Variants in CCDC85C observed in about 807,000 individuals in gnomAD.
CCDC85C encodes coiled-coil domain containing 85C.
CCDC85C carries 18 observed loss-of-function variants against 38.3 expected under a neutral mutation model. The observed-to-expected ratio is 0.47, with a 90% CI of 0.33 to 0.70. CCDC85C has a LOEUF of 0.70. Among genes scored for constraint, CCDC85C ranks in the 30% least tolerant of loss-of-function variants. The probability of loss-of-function intolerance (pLI) is 0.03; values close to 1 mark genes in which losing one functional copy is unlikely to be tolerated. For missense variants in CCDC85C, 566 were observed against 621.2 expected (o/e 0.91, Z 0.94); for synonymous variants, 264 against 293.8 (o/e 0.90, Z 1.04).
rs1470536564 is a variant in CCDC85C, at chr14:99,545,099, G to A, written c.794-9011C>T. On this transcript the variant is annotated intron_variant, in intron 1 of 5. Coordinates refer to ENST00000380243, the MANE Select transcript of CCDC85C (RefSeq NM_001144995.2). This position sits in a 1 kb window ranked among gnomAD's most constrained non-coding sequence, Gnocchi z 4.7. ...CCTAATGAGAATGAAATCTCCTGGT[G>A]CTGGCCGGTCAGCCTTCCCCAGTGA... Among the ~76,000 whole-genome samples the A allele has an allele frequency of 6.6e-6, 1 of 152,198 alleles. No homozygotes were observed. Among genetic ancestry groups the A allele is most frequent in the East Asian group, 1.9e-4 (1 of 5,198 alleles).
Position 99,516,259 on chromosome 14 carries a change from G to C in CCDC85C, c.1099C>G (p.Arg367Gly). Residue 367 changes from arginine (R) to glycine (G), a missense_variant, in exon 5 of 6, where the codon CGG (arginine) becomes GGG (glycine). By Grantham distance (125) the Arg-to-Gly change is moderately radical (BLOSUM62 -2). This residue lies in a region of CCDC85C where 286 missense variants were observed against 276.4 expected (regional missense o/e 1.03). Transcript: ENST00000380243. This position sits in a 1 kb window ranked among gnomAD's most constrained non-coding sequence, Gnocchi z 5.5. ...KVLEVHENLD[R>G]QLQDSCEEDL... ...TCCTCACAGCTGTCCTGGAGCTGCCGGTCCAGATTCTCGTGTACCTCCAGG... is the reference window on the plus strand; with the variant it reads ...TCCTCACAGCTGTCCTGGAGCTGCCCGTCCAGATTCTCGTGTACCTCCAGG... 6.4e-7 allele frequency: 1 copy of C among 1,551,198 alleles called. No individual in the cohort carries two copies. The highest frequency in any genetic ancestry group is 1.2e-5 in the South Asian group (1 of 84,036).
rs767370737 is a variant in CCDC85C, at chr14:99,500,853, T to C, written c.*14393A>G. ...ACATCCATACCAGTTCCTACTAAAA[T>C]ATGCAAAGCAACTCAAAGGTAAGAA... On this transcript the variant is annotated 3_prime_UTR_variant, in exon 6 of 6. Coordinates refer to ENST00000380243, the MANE Select transcript of CCDC85C (RefSeq NM_001144995.2). The C allele has an allele frequency of 6.5e-7, 1 of 1,545,866 alleles. No individual in the cohort carries two copies. The highest frequency in any genetic ancestry group is 1.2e-5 in the South Asian group (1 of 81,846).
At chr14:99,573,917 C>T (rs1315918966) in intron 1 of CCDC85C, among the ~76,000 whole-genome samples, 2 of 152,188 alleles carry the variant, frequency 1.3e-5, no homozygotes, top group African/African-American at 4.8e-5. Context: ...GCTGGGGCCT[C>T]CCACACCCTC....
intron 1 of CCDC85C, among the ~76,000 whole-genome samples, chr14:99,589,116 G>GAC (rs2055057194): frequency 6.6e-6 from 1 of 151,950 alleles, no homozygotes; most frequent in Non-Finnish European, 1.5e-5. Flanking sequence ...AAGCCCTGAG[G>GAC]AGAGCAGGCA....
At chr14:99,591,439 C>T (rs1796338392) in intron 1 of CCDC85C, among the ~76,000 whole-genome samples, 1 of 152,186 alleles carries the variant, frequency 6.6e-6, no homozygotes, top group South Asian at 2.1e-4. Flanking sequence ...GCTGCCACGG[C>T]TCCCACGGCT....
At chr14:99,567,394 A>T (rs879822620) in intron 1 of CCDC85C, among the ~76,000 whole-genome samples, 6 of 152,178 alleles carry the variant, frequency 3.9e-5, no homozygotes, top group Non-Finnish European at 7.4e-5. Flanking sequence ...CGTGACAACC[A>T]GGGGAGGCAT....
At chr14:99,596,621 A>C (rs908575271) in intron 1 of CCDC85C, among the ~76,000 whole-genome samples, 1 of 152,210 alleles carries the variant, frequency 6.6e-6, no homozygotes, top group African/African-American at 2.4e-5. Context: ...GGGATGTATG[A>C]GTGTCCAATC....
In CCDC85C at chr14:99,503,207, C is replaced by T; in HGVS notation, c.*12039G>A. ...GAGGGGGCTCTCTGCCCGGCTCCAGCCCTGCTGCCTGTTTCATCCCTGCCA... is the reference window on the plus strand; with the variant it reads ...GAGGGGGCTCTCTGCCCGGCTCCAGTCCTGCTGCCTGTTTCATCCCTGCCA... On this transcript the variant is annotated 3_prime_UTR_variant, in exon 6 of 6. Transcript: ENST00000380243. The T allele has an allele frequency of 1.4e-6, 1 of 691,394 alleles. No individual in the cohort carries two copies. Among genetic ancestry groups the T allele is most frequent in the Non-Finnish European group, 2.6e-6 (1 of 382,854 alleles). The allele number at this position is 691,394 out of a possible 1,614,324, so 42.8% of individuals were successfully genotyped here.
At chr14:99,515,638 C>T (rs570704876) in intron 5 of CCDC85C, among the ~76,000 whole-genome samples, 1 of 152,076 alleles carries the variant, frequency 6.6e-6, no homozygotes, top group Non-Finnish European at 1.5e-5. Flanking sequence ...TCTCGCCCCC[C>T]CTTTAAGTCC....
rs749137104 is a variant in CCDC85C, at chr14:99,522,210, G to A, written c.898C>T (p.Arg300Trp). The stretch of plus-strand genomic sequence containing the variant: ...GAGTGGTAGGGCGAGAAGCCTTTCC[G>A]CAGCGTGCGGAACTCTCCGGAGCCT... ...QAGSGEFRTL[R>W]KGFSPYHSES... is the part of the protein sequence containing the mutation. Residue 300 changes from arginine (R) to tryptophan (W), a missense_variant, in exon 3 of 6, where the codon CGG (arginine) becomes TGG (tryptophan). Physicochemically the swap from Arg to Trp is moderately radical, Grantham distance 101. Transcript: ENST00000380243. The A allele has an allele frequency of 3.2e-5, 50 of 1,550,054 alleles. No homozygotes were observed. The highest frequency in any genetic ancestry group is 4.0e-5 in the Non-Finnish European group (46 of 1,146,836).
rs376815169 is a variant in CCDC85C, at chr14:99,504,451, A to ATT, written c.*10793_*10794dup. 8.7e-3 allele frequency: 1,186 copies of ATT among 136,932 alleles called. 8 individuals are homozygous for ATT. Among genetic ancestry groups the ATT allele is most frequent in the Non-Finnish European group, 0.013 (855 of 64,410 alleles). 8.5% of individuals were successfully genotyped at this position (136,932 alleles called of 1,614,324 possible). On this transcript the variant is annotated 3_prime_UTR_variant, in exon 6 of 6. Transcript: ENST00000380243. Reference sequence around the variant, plus strand: ...GGAATGATGAGTTCAGTACAGGTGAATTTTTTTTTTTTTTTTGAGACAGAG... The same window carrying ATT: ...GGAATGATGAGTTCAGTACAGGTGAATTTTTTTTTTTTTTTTTTGAGACAGAG...
intron 1 of CCDC85C, among the ~76,000 whole-genome samples, chr14:99,547,010 T>C (rs1278630067): frequency 6.6e-6 from 1 of 151,760 alleles, no homozygotes; most frequent in Non-Finnish European, 1.5e-5. Flanking sequence ...TGTGATTTCT[T>C]TTTTTTTAAT....
intron 1 of CCDC85C, among the ~76,000 whole-genome samples, chr14:99,563,105 T>G (rs1027666377): frequency 6.6e-6 from 1 of 152,142 alleles, no homozygotes; most frequent in South Asian, 2.1e-4. Flanking sequence ...GAACCAGAGT[T>G]TAAAGCATCC....
rs997657057 is a variant in CCDC85C at position 99,569,137 on chromosome 14, T to C, written c.794-33049A>G. 6.6e-6 allele frequency among the ~76,000 whole-genome samples: 1 copy of C among 152,198 alleles called. No homozygotes were observed. Among genetic ancestry groups the C allele is most frequent in the African/African-American group, 2.4e-5 (1 of 41,446 alleles). ...GTCTGCCAAGCCCCGTCCCCAGACC[T>C]AGCCACAGCAATATCCATCTTTAAC... On this transcript the variant is annotated intron_variant, in intron 1 of 5. Transcript: ENST00000380243. This position sits in a 1 kb window ranked among gnomAD's most constrained non-coding sequence, Gnocchi z 4.3.
In CCDC85C at chr14:99,535,336, G is replaced by A. The variant is rs557356995; in HGVS notation, c.867+679C>T. Among the ~76,000 whole-genome samples, 13 of 152,254 alleles carry A rather than the reference G, an allele frequency of 8.5e-5. No individual in the cohort carries two copies. Among genetic ancestry groups the A allele is most frequent in the African/African-American group, 2.4e-4 (10 of 41,550 alleles). On this transcript the variant is annotated intron_variant, in intron 2 of 5. Coordinates refer to ENST00000380243, the MANE Select transcript of CCDC85C (RefSeq NM_001144995.2). The surrounding 1 kb of genome is among the most constrained non-coding windows in gnomAD (Gnocchi z 5.5). ...GGGGGAGCGAGCGGCTTGAGAGGTC[G>A]CCAAGCCAGCTGGCCCCCAACACCC... is the stretch of plus-strand genomic sequence containing the variant.
Position 99,576,730 on chromosome 14 carries a change from A to G in CCDC85C, c.793+26437T>C, listed in dbSNP as rs1898485241. Reference sequence around the variant, plus strand: ...TGCCTGGATAGCAGCAAACAATCGCATGGCCTTTTTCCAGGTTTACAATCT... The same window carrying G: ...TGCCTGGATAGCAGCAAACAATCGCGTGGCCTTTTTCCAGGTTTACAATCT... On this transcript the variant is annotated intron_variant, in intron 1 of 5. Transcript: ENST00000380243. This position sits in a 1 kb window ranked among gnomAD's most constrained non-coding sequence, Gnocchi z 4.8. 6.6e-6 allele frequency: 1 copy of G among 152,160 alleles called. No homozygotes were observed. The highest frequency in any genetic ancestry group is 1.9e-4 in the East Asian group (1 of 5,178). The allele number at this position is 152,160 out of a possible 1,614,324, so 9.4% of individuals were successfully genotyped here. A position where few individuals can be genotyped will look rare whatever the true frequency, so the allele number is the denominator to read the frequency against.
intron 1 of CCDC85C, among the ~76,000 whole-genome samples, chr14:99,592,310 G>T (rs956848320): frequency 1.3e-5 from 2 of 152,198 alleles, no homozygotes; most frequent in Non-Finnish European, 2.9e-5. Context: ...GTTAGGCAGG[G>T]GAGCAGGAGT....
intron 2 of CCDC85C, among the ~76,000 whole-genome samples, chr14:99,530,684 A>C (rs1897475305): frequency 6.6e-6 from 1 of 152,218 alleles, no homozygotes; most frequent in Admixed American, 6.5e-5. Flanking sequence ...CAGACCTCGA[A>C]AGATCCCAGG....
intron 2 of CCDC85C, among the ~76,000 whole-genome samples, chr14:99,534,395 T>A (rs182552103): frequency 6.6e-6 from 1 of 150,582 alleles, no homozygotes; most frequent in Admixed American, 6.6e-5. Flanking sequence ...GCAAACAGCA[T>A]CCCAAATTCA....
Sources: gnomAD v4.1 joint callset for allele counts (sites outside exome capture counted in the v4.1 genomes callset) on GRCh38, gnomAD v4.1.1 for gene constraint, gnomAD v4.1.1 regional missense constraint, Gnocchi (gnomAD v3.1) non-coding constraint, MANE v1.5 for transcripts, NCBI Gene and HGNC (gene_info 2026-07-23, HGNC 2026-07-21) for gene names.